Variants in CHD7 observed in about 807,000 individuals in gnomAD.
CHD7 encodes the protein ATP-dependent chromatin remodeler CHD7.
In CHD7, 24 loss-of-function variants were observed where a neutral mutation model predicts 307.3. That is an observed-to-expected ratio of 0.08 (90% confidence interval 0.06 to 0.11). The LOEUF (loss-of-function observed/expected upper bound fraction) is 0.11. Ranked by LOEUF, CHD7 falls within the 10% of genes least tolerant of loss-of-function variation. CHD7 has a pLI of 1.00. For missense variants in CHD7, 3,106 were observed against 3,727.1 expected, an observed-to-expected ratio of 0.83 and a Z score of 4.34; for synonymous variants, 1,363 against 1,349.9, an observed-to-expected ratio of 1.01 and a Z score of -0.21.
At chr8:60,735,410 CTTATTA>C (rs1808654335) in intron 1 of CHD7, among the ~76,000 whole-genome samples, 2 of 152,120 alleles carry the variant, frequency 1.3e-5, no homozygotes, top group Admixed American at 1.3e-4. Flanking sequence ...CAGTACAATC[CTTATTA>C]CTATTTATGG....
Position 60,778,107 on chromosome 8 carries a change from G to GC in CHD7, c.1666-2893_1666-2892insC, listed in dbSNP as rs1224972356. Among the ~76,000 whole-genome samples, 18 of 151,710 alleles carry GC rather than the reference G, an allele frequency of 1.2e-4. 1 individual carries two copies. The South Asian group carries it at 3.3e-3, about 28-fold the overall frequency. On this transcript the variant is annotated intron_variant, in intron 2 of 37. Coordinates refer to ENST00000423902, the MANE Select transcript of CHD7 (RefSeq NM_017780.4). ...GCATCTGGTGGGGTGGGGGGTGGAG[G>GC]GGGGGACATGGCTGGGCCTGGGAGA...
At chr8:60,804,877 A>G (rs184955163) in intron 6 of CHD7, among the ~76,000 whole-genome samples, 23 of 152,272 alleles carry the variant, frequency 1.5e-4, no homozygotes, top group Admixed American at 3.3e-4. Flanking sequence ...TATGTTTGAA[A>G]CTTTAAGTGT....
chr8:60,683,003 T>C (rs960313266), intron 1 of CHD7, among the ~76,000 whole-genome samples: 5 of 152,250 alleles, frequency 3.3e-5, no homozygotes, highest in African/African-American at 7.2e-5. Context: ...TTAGGTGATA[T>C]TAAGATGATG....
chr8:60,749,370 C>CAAAAAAAAA (rs55661758), intron 2 of CHD7, among the ~76,000 whole-genome samples: 5 of 56,296 alleles, frequency 8.9e-5, no homozygotes, highest in Admixed American at 6.4e-4. Flanking sequence ...GACTCTGTAT[C>CAAAAAAAAA]AAAAAAAAAA....
At chr8:60,700,073 G>A (rs1007951773) in intron 1 of CHD7, among the ~76,000 whole-genome samples, 1 of 152,022 alleles carries the variant, frequency 6.6e-6, no homozygotes, top group Non-Finnish European at 1.5e-5. Context: ...CCCGACCTCA[G>A]GTGATCTGCC....
chr8:60,821,964 A>G, intron 10 of CHD7, 37 bp downstream of exon 10: 1 of 1,613,424 alleles, frequency 6.2e-7, no homozygotes, highest in South Asian at 1.1e-5. Context: ...TTAATTTGAA[A>G]ATAGCATAGT....
intron 1 of CHD7, among the ~76,000 whole-genome samples, chr8:60,686,588 G>A (rs1174570670): frequency 3.3e-5 from 5 of 152,146 alleles, no homozygotes; most frequent in South Asian, 2.1e-4. Flanking sequence ...GTGGATTTGA[G>A]TTTTCCACCA....
At chr8:60,758,688 A>G (rs1810015527) in intron 2 of CHD7, among the ~76,000 whole-genome samples, 1 of 152,170 alleles carries the variant, frequency 6.6e-6, no homozygotes, top group African/African-American at 2.4e-5. Flanking sequence ...AGTAAAAACA[A>G]TATTCCTTAA....
chr8:60,849,901 G>C (rs1404780637), intron 25 of CHD7, among the ~76,000 whole-genome samples: 1 of 152,148 alleles, frequency 6.6e-6, no homozygotes, highest in African/African-American at 2.4e-5. Flanking sequence ...TCATTTTCCC[G>C]CAGTGCACTG....
intron 2 of CHD7, among the ~76,000 whole-genome samples, chr8:60,777,428 G>A (rs1811001916): frequency 6.6e-6 from 1 of 152,286 alleles, no homozygotes; most frequent in East Asian, 1.9e-4. Flanking sequence ...AAATTAGATA[G>A]CTTTTTAAGC....
chr8:60,713,330 C>A (rs1807383936), intron 1 of CHD7, among the ~76,000 whole-genome samples: 1 of 151,922 alleles, frequency 6.6e-6, no homozygotes, highest in Non-Finnish European at 1.5e-5. Flanking sequence ...CCAGGCTGTT[C>A]TCGACTCCTT....
intron 23 of CHD7, among the ~76,000 whole-genome samples, chr8:60,847,944 C>T (rs1429616072): frequency 1.3e-5 from 2 of 151,992 alleles, no homozygotes; most frequent in East Asian, 3.8e-4. Context: ...AAGGACACAC[C>T]TTCTACCCCA....
intron 13 of CHD7, among the ~76,000 whole-genome samples, chr8:60,828,374 G>A (rs1274966247): frequency 6.6e-6 from 1 of 152,096 alleles, no homozygotes; most frequent in African/African-American, 2.4e-5. Context: ...ATTGAGACTT[G>A]GGGGACTTAA....
At chr8:60,764,482 C>G (rs1810373056) in intron 2 of CHD7, among the ~76,000 whole-genome samples, 2 of 152,088 alleles carry the variant, frequency 1.3e-5, no homozygotes, top group African/African-American at 4.8e-5. Flanking sequence ...CTCTTTCTAG[C>G]AGTACTTTTG....
At chr8:60,829,249 C>T (rs574841532) in intron 14 of CHD7, among the ~76,000 whole-genome samples, 1 of 152,304 alleles carries the variant, frequency 6.6e-6, no homozygotes, top group South Asian at 2.1e-4. Context: ...ACTTTAGAAA[C>T]TTAGGGCATA....
At chr8:60,826,842 A>T (rs577834771) in intron 13 of CHD7, among the ~76,000 whole-genome samples, 1 of 152,332 alleles carries the variant, frequency 6.6e-6, no homozygotes, top group Admixed American at 6.5e-5. Flanking sequence ...AACACAAAAG[A>T]GTCTGCTTAA....
intron 7 of CHD7, among the ~76,000 whole-genome samples, chr8:60,815,428 A>C (rs187161566): frequency 1.2e-4 from 19 of 152,336 alleles, no homozygotes; most frequent in Non-Finnish European, 2.5e-4. Flanking sequence ...AGAAAGAGAA[A>C]TAAGAGGCTC....
At chr8:60,787,950 A>G (rs1256729971) in intron 3 of CHD7, among the ~76,000 whole-genome samples, 1 of 150,064 alleles carries the variant, frequency 6.7e-6, no homozygotes, top group African/African-American at 2.5e-5. Context: ...CCTCCCTAGT[A>G]GCTTGGGTCT....
Position 60,866,776 on chromosome 8 carries a change from T to C in CHD7, c.*843T>C, listed in dbSNP as rs1806257448. The C allele has an allele frequency of 6.6e-6, 1 of 152,644 alleles. No individual in the cohort carries two copies. Among genetic ancestry groups the C allele is most frequent in the African/African-American group, 2.4e-5 (1 of 41,454 alleles). The allele number at this position is 152,644 out of a possible 1,614,324, so 9.5% of individuals were successfully genotyped here. On this transcript the variant is annotated 3_prime_UTR_variant, in exon 38 of 38. Transcript: ENST00000423902. ...CAGACATGACTTTGTAAATGTATTG[T>C]TTTTCTTTGTTGTGATGTCCTTTTA...
Sources: allele counts gnomAD v4.1 joint callset (sites outside exome capture counted in the v4.1 genomes callset), GRCh38; gene constraint gnomAD v4.1.1; transcripts MANE v1.5; gene names NCBI Gene and HGNC (gene_info 2026-07-23, HGNC 2026-07-21).